IGF1R: variants seen among roughly 807,000 people sequenced by gnomAD.
IGF1R encodes the protein insulin-like growth factor 1 receptor.
IGF1R carries 44 observed loss-of-function variants against 144.6 expected under a neutral mutation model. That is an observed-to-expected ratio of 0.30 (90% confidence interval 0.24 to 0.39). The LOEUF (loss-of-function observed/expected upper bound fraction) is 0.39. Among genes scored for constraint, IGF1R ranks in the 10% least tolerant of loss-of-function variants. The pLI is 1.00. For missense variants in IGF1R, 1,355 were observed against 1,833.7 expected, an observed-to-expected ratio of 0.74 and a Z score of 4.77; for synonymous variants, 795 against 722.8, an observed-to-expected ratio of 1.10 and a Z score of -1.60.
At chr15:98,839,261 T>C (rs2011135547) in intron 2 of IGF1R, among the ~76,000 whole-genome samples, 1 of 152,166 alleles carries the variant, frequency 6.6e-6, no homozygotes, top group Admixed American at 6.5e-5. Flanking sequence ...GTTAAGTAAT[T>C]TGGCCAAGGA....
In IGF1R at chr15:98,922,189, C is replaced by T; in HGVS notation, c.2243C>T (p.Thr748Ile). 1 of 1,614,230 alleles carries T rather than the reference C, an allele frequency of 6.2e-7. No individual in the cohort carries two copies. The highest frequency in any genetic ancestry group is 8.5e-7 in the Non-Finnish European group (1 of 1,180,044). ...AGAGATGTCATGCAAGTGGCCAACA[C>T]CACCATGTCCAGCCGAAGCAGGAAC... ...KRRDVMQVAN[T>I]TMSSRSRNTT... Residue 748 changes from threonine (T) to isoleucine (I), a missense_variant, in exon 11 of 21, where the codon ACC becomes ATC. Transcript: ENST00000650285.
At chr15:98,864,829 TTC>T (rs2012342112) in intron 2 of IGF1R, among the ~76,000 whole-genome samples, 1 of 152,252 alleles carries the variant, frequency 6.6e-6, no homozygotes, top group Admixed American at 6.5e-5. Context: ...AATCTCATGC[TTC>T]TGTTTGATGA....
intron 2 of IGF1R, among the ~76,000 whole-genome samples, chr15:98,868,375 G>A (rs918687837): frequency 1.5e-5 from 2 of 134,662 alleles, no homozygotes; most frequent in Admixed American, 1.5e-4. Flanking sequence ...TTTTTTGGGG[G>A]GGGGGTCCTT....
intron 1 of IGF1R, among the ~76,000 whole-genome samples, chr15:98,670,245 T>C (rs570157045): frequency 1.6e-4 from 25 of 152,106 alleles, no homozygotes; most frequent in African/African-American, 5.8e-4. Flanking sequence ...AGCCCTGGAA[T>C]TGGAGGAAGA....
At chr15:98,819,046 A>G (rs1239231447) in intron 2 of IGF1R, among the ~76,000 whole-genome samples, 1 of 152,040 alleles carries the variant, frequency 6.6e-6, no homozygotes, top group Admixed American at 6.6e-5. Context: ...TAGTTTGGGA[A>G]GTGTGTGGTG....
At chr15:98,804,579 G>A (rs572222211) in intron 2 of IGF1R, among the ~76,000 whole-genome samples, 7 of 152,262 alleles carry the variant, frequency 4.6e-5, no homozygotes, top group East Asian at 1.9e-4. Flanking sequence ...AGAGAGCAGC[G>A]CACACACAGC....
intron 2 of IGF1R, among the ~76,000 whole-genome samples, chr15:98,789,347 T>C (rs977441908): frequency 6.6e-6 from 1 of 152,254 alleles, no homozygotes; most frequent in Non-Finnish European, 1.5e-5. Flanking sequence ...GCTAGCCTTT[T>C]TTTAAAATGT....
At chr15:98,790,103 AC>A (rs2056094801) in intron 2 of IGF1R, among the ~76,000 whole-genome samples, 1 of 152,140 alleles carries the variant, frequency 6.6e-6, no homozygotes, top group Non-Finnish European at 1.5e-5. Context: ...AGAGGCCGGG[AC>A]AGGTGATTTC....
intron 13 of IGF1R, among the ~76,000 whole-genome samples, chr15:98,927,979 C>T (rs1339387822): frequency 6.6e-6 from 1 of 152,214 alleles, no homozygotes; most frequent in East Asian, 1.9e-4. Context: ...CCTCTTCTCT[C>T]CTTTGCTCCT....
At position 98,959,196 on chromosome 15, in the gene IGF1R, T is replaced by C. The variant is rs996960045; in HGVS notation, c.*1754T>C. The C allele has an allele frequency of 2.2e-5, 5 of 231,658 alleles. No homozygotes were observed. The highest frequency in any genetic ancestry group is 1.8e-4 in the South Asian group (1 of 5,512). The allele number at this position is 231,658 out of a possible 1,614,324, so 14.4% of individuals were successfully genotyped here. ...GCCTTTGCTTAGGTTGTGACACACA[T>C]ATATATATATTTTTTTAATTCTTGG... On this transcript the variant is annotated 3_prime_UTR_variant, in exon 21 of 21. Coordinates refer to ENST00000650285, the MANE Select transcript of IGF1R (RefSeq NM_000875.5).
intron 20 of IGF1R, among the ~76,000 whole-genome samples, chr15:98,950,579 C>T (rs28497762): frequency 1.1e-4 from 17 of 152,342 alleles, no homozygotes; most frequent in Middle Eastern, 3.4e-3. Context: ...CATATACAGC[C>T]TCCATAGGCC....
In IGF1R at chr15:98,963,185, T is replaced by TAAA. The variant is rs1491462820; in HGVS notation, c.*5743_*5744insAAA. 22 of 230,210 alleles carry TAAA rather than the reference T, an allele frequency of 9.6e-5. No homozygotes were observed. The highest frequency in any genetic ancestry group is 1.6e-4 in the Non-Finnish European group (19 of 117,898). The allele number at this position is 230,210 out of a possible 1,614,324, so 14.3% of individuals were successfully genotyped here. On this transcript the variant is annotated 3_prime_UTR_variant, in exon 21 of 21. Coordinates refer to ENST00000650285, the MANE Select transcript of IGF1R (RefSeq NM_000875.5). The stretch of plus-strand genomic sequence containing the variant: ...AATTTAAAGACACTTTTTTTTTCTC[T>TAAA]GTGTGTGCAAATGTGTGTTTGTGAT...
intron 2 of IGF1R, among the ~76,000 whole-genome samples, chr15:98,780,704 CTCACTATTCACTT>C (rs1428363452): frequency 6.6e-6 from 1 of 152,038 alleles, no homozygotes; most frequent in Non-Finnish European, 1.5e-5. Context: ...TAAATCATGC[CTCACTATTCACTT>C]TAGGCAGTCT....
Position 98,935,310 on chromosome 15 carries a change from T to A in IGF1R, c.3187-6T>A. 1 of 1,538,054 alleles carries A rather than the reference T, an allele frequency of 6.5e-7. No homozygotes were observed. Among genetic ancestry groups the A allele is most frequent in the Non-Finnish European group, 8.8e-7 (1 of 1,135,424 alleles). ...TCTGAGTCTTTCTCTTTTTGATTCC[T>A]CCCAGGTGCGATTGCTGGGTGTGGT... On this transcript the variant is annotated splice_region_variant and splice_polypyrimidine_tract_variant and intron_variant, in intron 16 of 20. Coordinates refer to ENST00000650285, the MANE Select transcript of IGF1R (RefSeq NM_000875.5). This position sits in a 1 kb window ranked among gnomAD's most constrained non-coding sequence, Gnocchi z 4.2.
chr15:98,737,265 G>T (rs1037978505), intron 2 of IGF1R, among the ~76,000 whole-genome samples: 2 of 152,158 alleles, frequency 1.3e-5, no homozygotes, highest in African/African-American at 4.8e-5. Context: ...CACCGTCTTG[G>T]GAACCCCAGC....
intron 2 of IGF1R, among the ~76,000 whole-genome samples, chr15:98,757,570 G>A (rs1446030627): frequency 6.6e-6 from 1 of 151,880 alleles, no homozygotes; most frequent in African/African-American, 2.4e-5. Context: ...ATTTTTCAGG[G>A]ATTACATATT....
chr15:98,760,377 GATAA>G (rs890159663), intron 2 of IGF1R, among the ~76,000 whole-genome samples: 57 of 151,324 alleles, frequency 3.8e-4, no homozygotes, highest in Admixed American at 6.6e-4. Flanking sequence ...TTTACATAGT[GATAA>G]ATAAAGTAAT....
chr15:98,950,225 G>C (rs1232170530), intron 20 of IGF1R, among the ~76,000 whole-genome samples: 1 of 152,238 alleles, frequency 6.6e-6, no homozygotes, highest in East Asian at 1.9e-4. Flanking sequence ...ACAGACTCAG[G>C]CTGGGCCCAC....
At chr15:98,735,351 C>G (rs2054587124) in intron 2 of IGF1R, among the ~76,000 whole-genome samples, 1 of 152,224 alleles carries the variant, frequency 6.6e-6, no homozygotes, top group Non-Finnish European at 1.5e-5. Flanking sequence ...CCCCGTGACT[C>G]TGCCCACCTG....
Sources: gnomAD v4.1 joint callset for allele counts (sites outside exome capture counted in the v4.1 genomes callset) on GRCh38, gnomAD v4.1.1 for gene constraint, Gnocchi (gnomAD v3.1) non-coding constraint, MANE v1.5 for transcripts, NCBI Gene and HGNC (gene_info 2026-07-23, HGNC 2026-07-21) for gene names.